Variants in RIT2 observed in about 807,000 individuals in gnomAD.
The protein encoded by RIT2 is Ras like without CAAX 2.
In RIT2, 24 loss-of-function variants were observed where a neutral mutation model predicts 23.7. The observed-to-expected ratio is 1.01, with a 90% CI of 0.73 to 1.43. The LOEUF is 1.43. Among genes scored for constraint, RIT2 ranks in the 40% most tolerant of loss-of-function variants. RIT2 has a pLI of 0.00. For synonymous variants in RIT2, 107 were observed against 91.1 expected (o/e 1.17, Z -0.99); for missense variants, 236 against 266.9 (o/e 0.88, Z 0.81).
intron 4 of RIT2, among the ~76,000 whole-genome samples, chr18:42,862,112 A>G (rs1438778541): frequency 6.6e-6 from 1 of 152,134 alleles, no homozygotes; most frequent in Admixed American, 6.5e-5. Flanking sequence ...TCCCTACCCA[A>G]AATTCATCTC....
chr18:43,083,115 G>C (rs1913196972), intron 1 of RIT2, among the ~76,000 whole-genome samples: 1 of 152,102 alleles, frequency 6.6e-6, no homozygotes, highest in African/African-American at 2.4e-5. Flanking sequence ...AATCATGAGA[G>C]AACTCCCATT....
At chr18:42,903,773 T>A (rs1908541085) in intron 4 of RIT2, among the ~76,000 whole-genome samples, 1 of 152,134 alleles carries the variant, frequency 6.6e-6, no homozygotes, top group South Asian at 2.1e-4. Context: ...TATAAGTCAT[T>A]CTTACCTTGA....
intron 4 of RIT2, among the ~76,000 whole-genome samples, chr18:42,881,468 G>C (rs757985713): frequency 1.4e-4 from 21 of 152,094 alleles, no homozygotes; most frequent in Non-Finnish European, 2.5e-4. Context: ...ATACCTCTCT[G>C]TGTCAATTCC....
rs114951456 is a variant in RIT2 at position 42,824,517 on chromosome 18, T to C, written c.427-80797A>G. On this transcript the variant is annotated intron_variant, in intron 4 of 4. Transcript: ENST00000326695. ...ATTTCATTGCTACTTTTCAACCTTT[T>C]TTCTCAAAGATGCATAAAATTATAT... Among the ~76,000 whole-genome samples the C allele has an allele frequency of 3.0e-3, 460 of 152,150 alleles. 3 individuals are homozygous for C. The highest frequency in any genetic ancestry group is 0.011 in the African/African-American group (443 of 41,568).
intron 4 of RIT2, among the ~76,000 whole-genome samples, chr18:42,887,383 G>C (rs1250520515): frequency 2.0e-5 from 3 of 152,150 alleles, no homozygotes; most frequent in African/African-American, 4.8e-5. Flanking sequence ...TTCATGGTAG[G>C]TAATCTCTCT....
chr18:42,897,499 G>A (rs1181332196), intron 4 of RIT2, among the ~76,000 whole-genome samples: 2 of 152,174 alleles, frequency 1.3e-5, no homozygotes, highest in Admixed American at 1.3e-4. Flanking sequence ...CATTCCTAAT[G>A]CAGTGACCCC....
chr18:42,947,264 A>C (rs1430652801), intron 3 of RIT2, among the ~76,000 whole-genome samples: 2 of 152,078 alleles, frequency 1.3e-5, no homozygotes, highest in Non-Finnish European at 2.9e-5. Flanking sequence ...CCATTTGGAG[A>C]GTAAGCTTAA....
At chr18:42,864,218 G>A (rs762953305) in intron 4 of RIT2, among the ~76,000 whole-genome samples, 1 of 152,130 alleles carries the variant, frequency 6.6e-6, no homozygotes, top group Non-Finnish European at 1.5e-5. Flanking sequence ...CACAGGGGAA[G>A]TTGAACCAGG....
chr18:43,094,120 T>G lies in RIT2; in HGVS notation c.103+21297A>C, dbSNP rs1342668966. On this transcript the variant is annotated intron_variant, in intron 1 of 4. Transcript: ENST00000326695. ...TCAAAATTGGTATTAGTGGGTTTTT[T>G]TTGTTTTTTTTTTTTTTTTTCACTT... is the stretch of plus-strand genomic sequence containing the variant. Among the ~76,000 whole-genome samples, 4 of 83,714 alleles carry G rather than the reference T, an allele frequency of 4.8e-5. No homozygotes were observed. The East Asian group carries it at 1.2e-3, about 25-fold the overall frequency. The allele number at this position is 83,714 out of a possible 152,430, so 54.9% of individuals were successfully genotyped here.
At chr18:42,760,789 C>T (rs547299658) in intron 4 of RIT2, among the ~76,000 whole-genome samples, 2 of 152,118 alleles carry the variant, frequency 1.3e-5, no homozygotes, top group Admixed American at 6.5e-5. Flanking sequence ...ATATAGGGAC[C>T]TTTTGCTTGT....
chr18:42,906,593 G>A (rs564633258), intron 4 of RIT2, among the ~76,000 whole-genome samples: 185 of 152,210 alleles, frequency 1.2e-3, no homozygotes, highest in African/African-American at 4.3e-3. Flanking sequence ...AATTCTAAGA[G>A]AAAAGCCACC....
intron 4 of RIT2, among the ~76,000 whole-genome samples, chr18:42,848,748 T>G (rs1335578447): frequency 1.4e-5 from 2 of 144,498 alleles, no homozygotes; most frequent in Non-Finnish European, 3.0e-5. Flanking sequence ...CATTGTGAAG[T>G]TTTTTTTTAG....
intron 2 of RIT2, among the ~76,000 whole-genome samples, chr18:42,983,372 C>T (rs1457789609): frequency 1.3e-5 from 2 of 151,212 alleles, no homozygotes; most frequent in Non-Finnish European, 3.0e-5. Flanking sequence ...AAATGGATCA[C>T]AGAATTGAAT....
chr18:42,850,776 T>G (rs902048213), intron 4 of RIT2, among the ~76,000 whole-genome samples: 1 of 152,142 alleles, frequency 6.6e-6, no homozygotes, highest in Non-Finnish European at 1.5e-5. Flanking sequence ...GATCTATCCT[T>G]TAGTGTTGGC....
At chr18:42,963,339 C>A (rs1045670918) in intron 3 of RIT2, among the ~76,000 whole-genome samples, 1 of 152,120 alleles carries the variant, frequency 6.6e-6, no homozygotes, top group Non-Finnish European at 1.5e-5. Context: ...AGACCCCAGG[C>A]ACAGACAGTG....
chr18:42,909,121 C>A (rs1306876512), intron 4 of RIT2, among the ~76,000 whole-genome samples: 2 of 152,096 alleles, frequency 1.3e-5, no homozygotes, highest in Non-Finnish European at 2.9e-5. Flanking sequence ...TACATGTACA[C>A]CATGGTATAC....
At chr18:43,051,161 G>A (rs1912372801) in intron 1 of RIT2, among the ~76,000 whole-genome samples, 1 of 151,982 alleles carries the variant, frequency 6.6e-6, no homozygotes. Flanking sequence ...CTGACTTAGA[G>A]GAGACCCAGT....
At chr18:42,775,463 G>A (rs920796337) in intron 4 of RIT2, among the ~76,000 whole-genome samples, 51 of 152,128 alleles carry the variant, frequency 3.4e-4, no homozygotes, top group African/African-American at 1.2e-3. Flanking sequence ...TTGGGAGGCC[G>A]AGGCAGGCGG....
chr18:43,084,465 G>A (rs998605589), intron 1 of RIT2, among the ~76,000 whole-genome samples: 1 of 152,256 alleles, frequency 6.6e-6, no homozygotes, highest in Admixed American at 6.5e-5. Flanking sequence ...ATTTACAGTA[G>A]CAATGACTTG....
Sources: gnomAD v4.1 joint callset for allele counts (sites outside exome capture counted in the v4.1 genomes callset) on GRCh38, gnomAD v4.1.1 for gene constraint, MANE v1.5 for transcripts, NCBI Gene and HGNC (gene_info 2026-07-23, HGNC 2026-07-21) for gene names.